Variants in FGF14 observed in about 807,000 individuals in gnomAD.
FGF14 encodes the protein fibroblast growth factor 14, also known as fibroblast growth factor homologous factor 4.
Under a neutral mutation model 25.5 loss-of-function variants are expected in FGF14, and 5 were observed. The ratio of observed to expected loss-of-function variants is 0.20; its 90% CI spans 0.10 to 0.41. FGF14 has a LOEUF of 0.41. Among genes scored for constraint, FGF14 ranks in the 10% least tolerant of loss-of-function variants. The probability of loss-of-function intolerance (pLI) is 1.00; values close to 1 mark genes in which losing one functional copy is unlikely to be tolerated. For synonymous variants in FGF14, 138 were observed against 118.3 expected (o/e 1.17, Z -1.08); for missense variants, 222 against 320.1 (o/e 0.69, Z 2.34).
chr13:102,217,640 A>T (rs1199811772), intron 1 of FGF14, among the ~76,000 whole-genome samples: 1 of 152,196 alleles, frequency 6.6e-6, no homozygotes, highest in Non-Finnish European at 1.5e-5. Flanking sequence ...AATAGTGGCA[A>T]ACATGAGAAT....
intron 1 of FGF14, among the ~76,000 whole-genome samples, chr13:102,256,989 T>G (rs1458137637): frequency 6.6e-6 from 1 of 152,170 alleles, no homozygotes; most frequent in East Asian, 1.9e-4. Flanking sequence ...AATTAACACG[T>G]TTCTATCTGA....
intron 3 of FGF14, among the ~76,000 whole-genome samples, chr13:101,861,186 T>C (rs1251970086): frequency 1.3e-5 from 2 of 152,124 alleles, no homozygotes; most frequent in Admixed American, 1.3e-4. Flanking sequence ...ATTGATTCTA[T>C]CTGCACAGCT....
intron 1 of FGF14, among the ~76,000 whole-genome samples, chr13:101,951,436 TA>T (rs2036161748): frequency 6.6e-6 from 1 of 152,152 alleles, no homozygotes; most frequent in African/African-American, 2.4e-5. Flanking sequence ...TTATAATCTG[TA>T]AATTGGACAA....
chr13:101,924,711 C>G (rs2034247443), intron 1 of FGF14, among the ~76,000 whole-genome samples: 1 of 152,136 alleles, frequency 6.6e-6, no homozygotes, highest in East Asian at 1.9e-4. Context: ...ACATCATGAT[C>G]TCTATTTTAC....
At chr13:102,204,134 G>A (rs563608083) in intron 1 of FGF14, among the ~76,000 whole-genome samples, 77 of 152,236 alleles carry the variant, frequency 5.1e-4, no homozygotes, top group African/African-American at 1.7e-3. Context: ...CTTCAGATTC[G>A]GGCAGGTTTT....
At chr13:102,245,107 G>A (rs958270173) in intron 1 of FGF14, among the ~76,000 whole-genome samples, 5 of 152,030 alleles carry the variant, frequency 3.3e-5, no homozygotes, top group Non-Finnish European at 2.9e-5. Flanking sequence ...AATCAGCTCC[G>A]TATGTGTGCT....
At position 101,728,752 on chromosome 13, in the gene FGF14, T is replaced by G. The variant is rs2035608752; in HGVS notation, c.409-1942A>C. Among the ~76,000 whole-genome samples the G allele has an allele frequency of 2.6e-5, 4 of 152,132 alleles. No homozygotes were observed. In the South Asian group the frequency reaches 8.3e-4, roughly 32 times the overall value. On this transcript the variant is annotated intron_variant, in intron 3 of 4. Coordinates refer to ENST00000376143, the MANE Select transcript of FGF14 (RefSeq NM_004115.4). ...AGTGACATGCTGAGAGCTGACTTAG[T>G]GGGTCACTTAGTGGAAGTCAGGGGA...
intron 1 of FGF14, among the ~76,000 whole-genome samples, chr13:101,909,014 G>T (rs2032588674): frequency 6.6e-6 from 1 of 152,152 alleles, no homozygotes; most frequent in African/African-American, 2.4e-5. Context: ...TTAATAAAGG[G>T]TGCTGGGAAA....
chr13:102,364,898 C>T (rs74112328), intron 1 of FGF14, among the ~76,000 whole-genome samples: 2,598 of 152,318 alleles, frequency 0.017, 84 homozygotes, highest in African/African-American at 0.058. Context: ...AAAACTGTTG[C>T]TTAGTCATAA....
intron 1 of FGF14, among the ~76,000 whole-genome samples, chr13:101,891,785 TCA>T (rs986316959): frequency 1.2e-4 from 19 of 152,178 alleles, no homozygotes; most frequent in African/African-American, 4.6e-4. Flanking sequence ...TTAACAATGT[TCA>T]CACAGTTAGA....
chr13:101,803,910 G>A (rs1281847634), intron 3 of FGF14, among the ~76,000 whole-genome samples: 2 of 152,084 alleles, frequency 1.3e-5, no homozygotes, highest in East Asian at 3.9e-4. Context: ...TTTGGAGCTC[G>A]GAAGAGGAAT....
At chr13:102,059,666 C>A (rs895923978) in intron 1 of FGF14, among the ~76,000 whole-genome samples, 4 of 152,042 alleles carry the variant, frequency 2.6e-5, no homozygotes, top group African/African-American at 9.7e-5. Context: ...GCATGGCCAA[C>A]GTGGTGAAAC....
intron 1 of FGF14, among the ~76,000 whole-genome samples, chr13:102,120,541 C>T (rs1285803755): frequency 6.6e-6 from 1 of 152,162 alleles, no homozygotes; most frequent in Non-Finnish European, 1.5e-5. Flanking sequence ...GGAAGCAGCA[C>T]AGATGTGTGT....
At chr13:101,965,954 A>G (rs1444818038) in intron 1 of FGF14, among the ~76,000 whole-genome samples, 1 of 152,202 alleles carries the variant, frequency 6.6e-6, no homozygotes, top group Non-Finnish European at 1.5e-5. Flanking sequence ...GAAGTCAGCC[A>G]GATGTATCCA....
chr13:102,193,241 C>T (rs2049200067), intron 1 of FGF14, among the ~76,000 whole-genome samples: 1 of 152,164 alleles, frequency 6.6e-6, no homozygotes, highest in Non-Finnish European at 1.5e-5. Context: ...CTCTCCTTCT[C>T]TCTGTGCTCT....
At chr13:102,322,092 A>C (rs2056265435) in intron 1 of FGF14, among the ~76,000 whole-genome samples, 1 of 152,202 alleles carries the variant, frequency 6.6e-6, no homozygotes, top group Non-Finnish European at 1.5e-5. Flanking sequence ...ATTCACTGTA[A>C]TGAAAAACTA....
chr13:102,121,344 A>G (rs992216339), intron 1 of FGF14, among the ~76,000 whole-genome samples: 7 of 152,154 alleles, frequency 4.6e-5, no homozygotes, highest in African/African-American at 1.4e-4. Context: ...CCAAGGGACC[A>G]TACTCTTCAC....
chr13:102,176,483 G>A (rs2048455910), intron 1 of FGF14, among the ~76,000 whole-genome samples: 1 of 152,078 alleles, frequency 6.6e-6, no homozygotes, highest in Non-Finnish European at 1.5e-5. Context: ...TTCACTATTT[G>A]AGTGGTAGGT....
chr13:101,790,008 A>C (rs1274941108), intron 3 of FGF14, among the ~76,000 whole-genome samples: 1 of 151,778 alleles, frequency 6.6e-6, no homozygotes, highest in East Asian at 1.9e-4. Flanking sequence ...CTTCAACCAG[A>C]TGTTCAATGC....
Sources: gnomAD v4.1 joint callset for allele counts (sites outside exome capture counted in the v4.1 genomes callset) on GRCh38, gnomAD v4.1.1 for gene constraint, MANE v1.5 for transcripts, NCBI Gene and HGNC (gene_info 2026-07-23, HGNC 2026-07-21) for gene names.